Variants in PRDM11 observed in about 807,000 individuals in gnomAD.
PRDM11 encodes the protein PR domain-containing protein 11.
In PRDM11, 20 loss-of-function variants were observed where a neutral mutation model predicts 97.8. That is an observed-to-expected ratio of 0.20 (90% CI 0.14 to 0.30). PRDM11 has a LOEUF of 0.30. PRDM11 is among the 10% of genes least tolerant of loss of function. PRDM11 has a pLI of 1.00. For missense variants in PRDM11, 1,139 were observed against 1,555.2 expected, an observed-to-expected ratio of 0.73 and a Z score of 4.50; for synonymous variants, 599 against 637.7, an observed-to-expected ratio of 0.94 and a Z score of 0.91.
At chr11:45,196,305 C>G (rs956390475) in intron 4 of PRDM11, among the ~76,000 whole-genome samples, 1 of 152,136 alleles carries the variant, frequency 6.6e-6, no homozygotes, top group Admixed American at 6.5e-5. Flanking sequence ...GGGAGAGCTA[C>G]CCAGGATGGA....
rs769359086 is a variant in PRDM11 at position 45,212,535 on chromosome 11, C to T, written c.555-7035C>T. 2.9e-5 allele frequency: 13 copies of T among 455,408 alleles called. No individual in the cohort carries two copies. In the East Asian group the frequency reaches 4.2e-4, roughly 15 times the overall value. 28.2% of individuals were successfully genotyped at this position (455,408 alleles called of 1,614,324 possible). A position where few individuals can be genotyped will look rare whatever the true frequency, so the allele number is the denominator to read the frequency against. On this transcript the variant is annotated intron_variant, in intron 5 of 7. Transcript: ENST00000683152. ...CTTCGGGTGCCTCTGCAGCGGTCTC[C>T]GGAGGAAGAGGCCCACCTGGCCAGG... is the stretch of plus-strand genomic sequence containing the variant.
chr11:45,204,722 G>C lies in PRDM11; in HGVS notation c.498G>C (p.Lys166Asn). The C allele has an allele frequency of 6.2e-7, 1 of 1,612,434 alleles. No individual in the cohort carries two copies. The highest frequency in any genetic ancestry group is 8.5e-7 in the Non-Finnish European group (1 of 1,178,486). Residue 166 changes from lysine to asparagine, a missense_variant, in exon 5 of 8, where the codon AAG (lysine) becomes AAC (asparagine). This residue lies in a region of PRDM11 where 429 missense variants were observed against 510.3 expected (regional missense o/e 0.84). Coordinates refer to ENST00000683152, the MANE Select transcript of PRDM11 (RefSeq NM_001384648.1). ...TCTCTTTCTTCCAGATTGTGGACAA[G>C]AACAACCGCTATAAGTCCATAGATG... ...AGFFSWLIVD[K>N]NNRYKSIDGS...
intron 1 of PRDM11, among the ~76,000 whole-genome samples, chr11:45,151,154 T>C (rs991325461): frequency 6.6e-6 from 1 of 152,116 alleles, no homozygotes; most frequent in African/African-American, 2.4e-5. Flanking sequence ...GGTTCTTGGC[T>C]CAGAGGTGAC....
chr11:45,152,800 C>T (rs1469827229), intron 1 of PRDM11, among the ~76,000 whole-genome samples: 3 of 152,214 alleles, frequency 2.0e-5, no homozygotes, highest in Non-Finnish European at 2.9e-5. Flanking sequence ...ACTCAGGGCA[C>T]CTGATTCCTG....
At chr11:45,182,170 C>T in intron 2 of PRDM11, 76 bp from the exon 3 acceptor site, 1 of 1,340,130 alleles carries the variant, frequency 7.5e-7, no homozygotes, top group Non-Finnish European at 1.1e-6. Context: ...TGGCCAGGTC[C>T]CCAGCTTTTG....
rs767802218 is a variant in PRDM11 at position 45,101,567 on chromosome 11, A to AAAAGAAG, written c.96+5668_96+5669insAGAAGAA. On this transcript the variant is annotated intron_variant, in intron 1 of 6. Coordinates refer to the PRDM11 transcript ENST00000530656. The stretch of plus-strand genomic sequence containing the variant: ...CAACACTCTGTCTCAAAAAAAAAAA[A>AAAAGAAG]AAGAAGAAGAAGAAGAAGAAGAAGA... Among the ~76,000 whole-genome samples, 170 of 96,858 alleles carry AAAAGAAG rather than the reference A, an allele frequency of 1.8e-3. 13 individuals carry two copies. The highest frequency in any genetic ancestry group is 7.8e-3 in the African/African-American group (161 of 20,546). The allele number at this position is 96,858 out of a possible 152,430, so 63.5% of individuals were successfully genotyped here.
At chr11:45,132,984 C>T (rs936039760) in intron 1 of PRDM11, among the ~76,000 whole-genome samples, 2 of 152,136 alleles carry the variant, frequency 1.3e-5, no homozygotes, top group Non-Finnish European at 2.9e-5. Flanking sequence ...TACCCCATCC[C>T]CATCCCCATC....
intron 1 of PRDM11, among the ~76,000 whole-genome samples, chr11:45,113,226 C>T (rs927948474): frequency 9.2e-5 from 14 of 152,032 alleles, no homozygotes; most frequent in African/African-American, 2.4e-4. Flanking sequence ...CCCCAGTTTA[C>T]GTTTTTGTAT....
intron 5 of PRDM11, chr11:45,208,987 C>A: frequency 2.2e-6 from 1 of 456,726 alleles, no homozygotes; most frequent in South Asian, 1.5e-5. Context: ...GGGAGGGAGA[C>A]CATGCGGCTG....
Position 45,204,700 on chromosome 11 carries a change from C to G in PRDM11, c.487-11C>G, listed in dbSNP as rs1250551619. Reference sequence around the variant, plus strand: ...GAATGGCCCATCCTAGACTCTTTCTCTTTCTTCCAGATTGTGGACAAGAAC... The same window carrying G: ...GAATGGCCCATCCTAGACTCTTTCTGTTTCTTCCAGATTGTGGACAAGAAC... On this transcript the variant is annotated splice_polypyrimidine_tract_variant and intron_variant, in intron 4 of 7. Coordinates refer to ENST00000683152, the MANE Select transcript of PRDM11 (RefSeq NM_001384648.1). 1 of 1,609,106 alleles carries G rather than the reference C, an allele frequency of 6.2e-7. No homozygotes were observed. The highest frequency in any genetic ancestry group is 1.1e-5 in the South Asian group (1 of 91,026).
intron 7 of PRDM11, 71 bp from the exon 8 acceptor site, chr11:45,225,924 T>C (rs528257906): frequency 7.0e-7 from 1 of 1,432,438 alleles, no homozygotes; most frequent in Admixed American, 2.7e-5. Context: ...TCCAGGAGTG[T>C]TTCCTGTGGA....
chr11:45,204,501 C>T (rs1278494662), intron 4 of PRDM11, among the ~76,000 whole-genome samples: 1 of 152,106 alleles, frequency 6.6e-6, no homozygotes, highest in African/African-American at 2.4e-5. Context: ...ATAGGATCTC[C>T]AGTGTCTCTA....
chr11:45,224,410 A>T lies in PRDM11; in HGVS notation c.936A>T (p.Ser312=). The change falls in exon 7 of 8, where the codon TCA becomes TCT. Residue 312 remains serine, a synonymous_variant. Coordinates refer to ENST00000683152, the MANE Select transcript of PRDM11 (RefSeq NM_001384648.1). ...TTTTCAAGGATGTTCTGGAGGCCTC[A>T]CTGGAATCTGCGAAGGTGGAAGCCC... The part of the protein sequence containing the change: ...DLIFKDVLEA[S]LESAKVEAHQ... 6.2e-7 allele frequency: 1 copy of T among 1,614,220 alleles called. No homozygotes were observed. Among genetic ancestry groups the T allele is most frequent in the African/African-American group, 1.3e-5 (1 of 75,060 alleles).
intron 1 of PRDM11, among the ~76,000 whole-genome samples, chr11:45,125,691 T>C: frequency 6.6e-6 from 1 of 152,252 alleles, no homozygotes; most frequent in Non-Finnish European, 1.5e-5. Context: ...TTGATTGCAC[T>C]GTGGTTTGAG....
In PRDM11 at chr11:45,153,944, A is replaced by G. The variant is rs200285763; in HGVS notation, c.-7+7067A>G. ...GGTTACATGACCAACTGAAGATCACACAGCTATCATCTCATTTTTCCAATC... is the reference window on the plus strand; with the variant it reads ...GGTTACATGACCAACTGAAGATCACGCAGCTATCATCTCATTTTTCCAATC... On this transcript the variant is annotated intron_variant, in intron 1 of 7. Transcript: ENST00000683152. Among the ~76,000 whole-genome samples, 4 of 152,222 alleles carry G rather than the reference A, an allele frequency of 2.6e-5. No homozygotes were observed. The East Asian group carries it at 7.7e-4, about 29-fold the overall frequency.
intron 1 of PRDM11, among the ~76,000 whole-genome samples, chr11:45,096,913 C>A (rs1851893243): frequency 6.6e-6 from 1 of 152,222 alleles, no homozygotes; most frequent in Admixed American, 6.5e-5. Context: ...GATCTTCATG[C>A]CAATCCTGGC....
intron 1 of PRDM11, among the ~76,000 whole-genome samples, chr11:45,117,057 C>G (rs550622119): frequency 6.6e-6 from 1 of 152,114 alleles, no homozygotes; most frequent in Admixed American, 6.5e-5. Context: ...AACCCTGTCT[C>G]TACTAAAAAT....
chr11:45,206,286 C>T (rs1853507257), intron 5 of PRDM11, among the ~76,000 whole-genome samples: 1 of 152,170 alleles, frequency 6.6e-6, no homozygotes, highest in African/African-American at 2.4e-5. Context: ...CACCGAGGCA[C>T]AATGTGCTGC....
Position 45,224,244 on chromosome 11 carries a change from C to T in PRDM11, c.770C>T (p.Ser257Phe). 6.2e-7 allele frequency: 1 copy of T among 1,604,286 alleles called. No homozygotes were observed. Among genetic ancestry groups the T allele is most frequent in the Non-Finnish European group, 8.5e-7 (1 of 1,176,252 alleles). ...GAGAAGAGGTTGCAGAGGGAGAAGT[C>T]TGAGCAGGTTCTGGATAACCCAGAA... ...RGEKRLQREK[S>F]EQVLDNPEDL... The change falls in exon 7 of 8, where the codon TCT becomes TTT. Residue 257 changes from serine (S) to phenylalanine (F), a missense_variant. By Grantham distance (155) the Ser-to-Phe change is radical (BLOSUM62 -2). Around this residue, in one of 2 missense-constraint regions of PRDM11, gnomAD observed 429 missense variants for 510.3 expected, o/e 0.84. Coordinates refer to ENST00000683152, the MANE Select transcript of PRDM11 (RefSeq NM_001384648.1).
Sources: allele counts gnomAD v4.1 joint callset (sites outside exome capture counted in the v4.1 genomes callset), GRCh38; gene constraint gnomAD v4.1.1; regional missense constraint gnomAD v4.1.1; transcripts MANE v1.5; gene names NCBI Gene and HGNC (gene_info 2026-07-23, HGNC 2026-07-21).